The following HS6ST3 variants were observed in gnomAD, a reference collection of about 807,000 sequenced individuals.
HS6ST3 encodes the protein heparan-sulfate 6-O-sulfotransferase 3.
A neutral mutation model predicts 36.7 loss-of-function variants in HS6ST3; 12 were observed. The observed-to-expected ratio is 0.33, with a 90% confidence interval of 0.21 to 0.53. HS6ST3 has a LOEUF of 0.53. Among genes scored for constraint, HS6ST3 ranks in the 20% least tolerant of loss-of-function variants. The pLI, the probability that HS6ST3 is intolerant of heterozygous loss-of-function variation, is 0.95. For missense variants in HS6ST3, 584 were observed against 640.9 expected (o/e 0.91, Z 0.96); for synonymous variants, 240 against 257.5 (o/e 0.93, Z 0.65).
At chr13:96,579,576 GT>G (rs1427897185) in intron 1 of HS6ST3, among the ~76,000 whole-genome samples, 1 of 150,506 alleles carries the variant, frequency 6.6e-6, no homozygotes, top group Non-Finnish European at 1.5e-5. Flanking sequence ...AAAAAAAAAA[GT>G]TTGTAGAATT....
In HS6ST3 at chr13:96,190,854, G is replaced by A. The variant is rs61968035; in HGVS notation, c.707+99285G>A. Among the ~76,000 whole-genome samples the A allele has an allele frequency of 3.3e-3, 499 of 152,228 alleles. 1 individual carries two copies. Among genetic ancestry groups the A allele is most frequent in the Non-Finnish European group, 5.7e-3 (385 of 68,018 alleles). ...TGGAGAAACTCTACTTCAGGTACAG[G>A]GAGCATCTGGTGAAAATGCCAGAAG... On this transcript the variant is annotated intron_variant, in intron 1 of 1. Coordinates refer to ENST00000376705, the MANE Select transcript of HS6ST3 (RefSeq NM_153456.4).
intron 1 of HS6ST3, among the ~76,000 whole-genome samples, chr13:96,232,347 A>G (rs2033615233): frequency 6.6e-6 from 1 of 152,152 alleles, no homozygotes; most frequent in South Asian, 2.1e-4. Context: ...GATTGTAGTA[A>G]TAAGGAAAAG....
intron 1 of HS6ST3, among the ~76,000 whole-genome samples, chr13:96,343,517 A>C (rs1448684435): frequency 6.6e-6 from 1 of 152,104 alleles, no homozygotes; most frequent in Non-Finnish European, 1.5e-5. Flanking sequence ...ATCCAGACTG[A>C]TCTCCCTATC....
chr13:96,108,264 G>C (rs1300338296), intron 1 of HS6ST3, among the ~76,000 whole-genome samples: 2 of 152,194 alleles, frequency 1.3e-5, no homozygotes, highest in African/African-American at 4.8e-5. Flanking sequence ...CTAGTCTCCT[G>C]TAGCGCCCCC....
chr13:96,703,500 A>G (rs1875342513), intron 1 of HS6ST3, among the ~76,000 whole-genome samples: 1 of 152,224 alleles, frequency 6.6e-6, no homozygotes, highest in African/African-American at 2.4e-5. Flanking sequence ...TTTGTGCAGC[A>G]TAAAATTGCT....
intron 1 of HS6ST3, among the ~76,000 whole-genome samples, chr13:96,608,538 T>C (rs1322694926): frequency 6.6e-6 from 1 of 152,194 alleles, no homozygotes. Flanking sequence ...CATGCTGAAC[T>C]GCACTCTCAA....
At chr13:96,668,455 CATA>C (rs1350085085) in intron 1 of HS6ST3, among the ~76,000 whole-genome samples, 2 of 152,094 alleles carry the variant, frequency 1.3e-5, no homozygotes, top group African/African-American at 4.8e-5. Context: ...TGCTTCCTGA[CATA>C]ATAAGACCTG....
chr13:96,805,343 C>G (rs1275122469), intron 1 of HS6ST3, among the ~76,000 whole-genome samples: 1 of 152,148 alleles, frequency 6.6e-6, no homozygotes, highest in Non-Finnish European at 1.5e-5. Flanking sequence ...TCTCTCTCTC[C>G]TTCCACCGTG....
chr13:96,656,282 C>G (rs1425772557), intron 1 of HS6ST3, among the ~76,000 whole-genome samples: 1 of 152,128 alleles, frequency 6.6e-6, no homozygotes, highest in East Asian at 1.9e-4. Context: ...AATTTGCTCT[C>G]CAATAATGCT....
At chr13:96,140,186 A>G (rs1393880884) in intron 1 of HS6ST3, among the ~76,000 whole-genome samples, 1 of 152,222 alleles carries the variant, frequency 6.6e-6, no homozygotes, top group Non-Finnish European at 1.5e-5. Flanking sequence ...AAACAAACAC[A>G]TACCATACAT....
intron 1 of HS6ST3, among the ~76,000 whole-genome samples, chr13:96,121,889 C>T (rs1401132129): frequency 6.6e-6 from 1 of 152,054 alleles, no homozygotes; most frequent in Non-Finnish European, 1.5e-5. Flanking sequence ...AATTTTTACT[C>T]ATATACTGGC....
chr13:96,516,808 G>C (rs964447227), intron 1 of HS6ST3, among the ~76,000 whole-genome samples: 4 of 152,004 alleles, frequency 2.6e-5, no homozygotes, highest in Non-Finnish European at 5.9e-5. Context: ...TATAACAAAC[G>C]ACCCCAAAGT....
intron 1 of HS6ST3, among the ~76,000 whole-genome samples, chr13:96,230,953 A>G (rs563843479): frequency 6.6e-6 from 1 of 152,204 alleles, no homozygotes; most frequent in African/African-American, 2.4e-5. Flanking sequence ...TGACAAATAT[A>G]GTGGTTGAGG....
At chr13:96,619,913 T>C (rs916194259) in intron 1 of HS6ST3, among the ~76,000 whole-genome samples, 5 of 152,276 alleles carry the variant, frequency 3.3e-5, no homozygotes, top group East Asian at 1.9e-4. Flanking sequence ...CAATGAAACT[T>C]TGGGGCTTGG....
intron 1 of HS6ST3, among the ~76,000 whole-genome samples, chr13:96,817,735 AAC>A (rs1292549573): frequency 6.6e-6 from 1 of 152,206 alleles, no homozygotes; most frequent in South Asian, 2.1e-4. Context: ...ATTTCAAGAA[AAC>A]ACACAGAGAT....
chr13:96,232,415 G>GCTTT (rs2054513234), intron 1 of HS6ST3, among the ~76,000 whole-genome samples: 1 of 152,172 alleles, frequency 6.6e-6, no homozygotes, highest in South Asian at 2.1e-4. Flanking sequence ...GTCCTACAAA[G>GCTTT]GTAGGAGAGT....
chr13:96,706,867 T>A (rs530536314), intron 1 of HS6ST3, among the ~76,000 whole-genome samples: 158 of 152,264 alleles, frequency 1.0e-3, no homozygotes, highest in Non-Finnish European at 1.7e-3. Context: ...CCCTTGCCAT[T>A]TTTAAGCATG....
intron 1 of HS6ST3, among the ~76,000 whole-genome samples, chr13:96,177,364 A>G (rs995761920): frequency 6.6e-6 from 1 of 152,214 alleles, no homozygotes; most frequent in African/African-American, 2.4e-5. Context: ...AAGACATGGA[A>G]TCCACCTAAA....
intron 1 of HS6ST3, among the ~76,000 whole-genome samples, chr13:96,277,427 C>G (rs1211235757): frequency 6.6e-6 from 1 of 152,122 alleles, no homozygotes; most frequent in African/African-American, 2.4e-5. Flanking sequence ...ATACCACTGT[C>G]TTATTTAAGA....
Sources: gnomAD v4.1 joint callset for allele counts (sites outside exome capture counted in the v4.1 genomes callset) on GRCh38, gnomAD v4.1.1 for gene constraint, MANE v1.5 for transcripts, NCBI Gene and HGNC (gene_info 2026-07-23, HGNC 2026-07-21) for gene names.